GRIK2: variants seen among roughly 807,000 people sequenced by gnomAD.
The protein encoded by GRIK2 is glutamate receptor ionotropic, kainate 2.
Under a neutral mutation model 100.3 loss-of-function variants are expected in GRIK2, and 32 were observed. That is an observed-to-expected ratio of 0.32 (90% CI 0.24 to 0.43). The LOEUF (loss-of-function observed/expected upper bound fraction) is 0.43, where lower values mean the gene tolerates loss of function less well. GRIK2 is among the 20% of genes least tolerant of loss of function. GRIK2 has a pLI of 1.00. For synonymous variants in GRIK2, 417 were observed against 389.4 expected, an observed-to-expected ratio of 1.07 and a Z score of -0.83; for missense variants, 843 against 1,114.9, an observed-to-expected ratio of 0.76 and a Z score of 3.47.
At chr6:102,036,246 C>A (rs1770265152) in intron 15 of GRIK2, among the ~76,000 whole-genome samples, 1 of 150,972 alleles carries the variant, frequency 6.6e-6, no homozygotes, top group South Asian at 2.1e-4. Flanking sequence ...CACACACACA[C>A]ACACACACAC....
At chr6:101,478,506 G>GTTT (rs5878666) in intron 2 of GRIK2, among the ~76,000 whole-genome samples, 22 of 119,550 alleles carry the variant, frequency 1.8e-4, no homozygotes, top group Admixed American at 5.5e-4. Flanking sequence ...TTCTGTTTTG[G>GTTT]TTTTTTTTTT....
intron 6 of GRIK2, among the ~76,000 whole-genome samples, chr6:101,683,902 C>T (rs1332162686): frequency 6.6e-6 from 1 of 152,156 alleles, no homozygotes; most frequent in East Asian, 1.9e-4. Flanking sequence ...TAGCATCTAT[C>T]TTCTCCATTC....
chr6:101,491,981 A>T (rs1255079897), intron 2 of GRIK2, among the ~76,000 whole-genome samples: 2 of 151,762 alleles, frequency 1.3e-5, no homozygotes, highest in Non-Finnish European at 2.9e-5. Context: ...TGTTTCTGTT[A>T]TATACTTCAT....
At chr6:101,658,399 C>T (rs1769358687) in intron 4 of GRIK2, among the ~76,000 whole-genome samples, 1 of 152,188 alleles carries the variant, frequency 6.6e-6, no homozygotes. Context: ...TTTTTTATGG[C>T]TGCATAGTAT....
intron 7 of GRIK2, among the ~76,000 whole-genome samples, chr6:101,717,566 C>T (rs756746908): frequency 2.0e-5 from 3 of 151,706 alleles, no homozygotes; most frequent in Non-Finnish European, 4.4e-5. Context: ...TAAGATATGG[C>T]TTTGCCATTA....
chr6:101,767,364 C>T (rs1337951494), intron 7 of GRIK2, among the ~76,000 whole-genome samples: 1 of 151,850 alleles, frequency 6.6e-6, no homozygotes, highest in Non-Finnish European at 1.5e-5. Context: ...ATCCCATTAC[C>T]ATTATAAACA....
At chr6:101,501,135 C>A (rs1024961533) in intron 2 of GRIK2, among the ~76,000 whole-genome samples, 2 of 151,942 alleles carry the variant, frequency 1.3e-5, no homozygotes, top group African/African-American at 4.8e-5. Context: ...CCATCTACAA[C>A]AAAATAAGTA....
chr6:101,486,371 G>A (rs1772826917), intron 2 of GRIK2, among the ~76,000 whole-genome samples: 1 of 127,776 alleles, frequency 7.8e-6, no homozygotes, highest in African/African-American at 2.9e-5. Flanking sequence ...CAGCAGGTAA[G>A]GTTGCATGAG....
chr6:101,718,913 G>T (rs980910234), intron 7 of GRIK2, among the ~76,000 whole-genome samples: 1 of 151,846 alleles, frequency 6.6e-6, no homozygotes, highest in Admixed American at 6.6e-5. Context: ...ACACAATTGT[G>T]TCTGTAAAGA....
intron 2 of GRIK2, among the ~76,000 whole-genome samples, chr6:101,446,466 A>T (rs1770384990): frequency 6.6e-6 from 1 of 151,970 alleles, no homozygotes; most frequent in African/African-American, 2.4e-5. Context: ...AGTGTCATTG[A>T]TTCCTCTCCT....
chr6:101,660,243 T>C (rs1401982761), intron 4 of GRIK2, among the ~76,000 whole-genome samples: 2 of 152,204 alleles, frequency 1.3e-5, no homozygotes, highest in Non-Finnish European at 2.9e-5. Context: ...TCTGATATCA[T>C]TTCTTCCACT....
chr6:101,410,896 A>G (rs76891037), intron 2 of GRIK2, among the ~76,000 whole-genome samples: 2,167 of 152,182 alleles, frequency 0.014, 50 homozygotes, highest in African/African-American at 0.05. Flanking sequence ...GAGGACAATC[A>G]GTCTCAAGAT....
At chr6:101,514,598 A>T (rs1439862420) in intron 2 of GRIK2, among the ~76,000 whole-genome samples, 1 of 152,178 alleles carries the variant, frequency 6.6e-6, no homozygotes, top group Admixed American at 6.6e-5. Context: ...TGAATATCCC[A>T]ATCTAAACTA....
chr6:102,027,302 A>G (rs574190998), intron 14 of GRIK2, among the ~76,000 whole-genome samples: 17 of 151,380 alleles, frequency 1.1e-4, no homozygotes, highest in South Asian at 4.1e-4. Context: ...ATTTTACTGT[A>G]TTAATCTATA....
intron 14 of GRIK2, among the ~76,000 whole-genome samples, chr6:101,994,317 A>C (rs569747624): frequency 4.9e-4 from 75 of 151,684 alleles, no homozygotes; most frequent in Admixed American, 2.2e-3. Context: ...TTTTTAGTAC[A>C]TAATGTTATA....
chr6:102,044,302 A>C (rs1030112094), intron 15 of GRIK2, among the ~76,000 whole-genome samples: 1 of 152,040 alleles, frequency 6.6e-6, no homozygotes. Context: ...CTCTCGAGCT[A>C]TCAGATAAAA....
In GRIK2 at chr6:101,458,387, C is replaced by T. The variant is rs149905191; in HGVS notation, c.115+58995C>T. 2.4e-3 allele frequency among the ~76,000 whole-genome samples: 364 copies of T among 152,160 alleles called. 1 individual carries two copies. The highest frequency in any genetic ancestry group is 8.4e-3 in the African/African-American group (349 of 41,516). On this transcript the variant is annotated intron_variant, in intron 2 of 16. Coordinates refer to ENST00000369134, the MANE Select transcript of GRIK2 (RefSeq NM_021956.5). ...ATACACATTCTTTTAATTTAGTGCT[C>T]CAAATATTTTTCAAATTTTGGTATA...
At chr6:101,438,571 A>G (rs563927151) in intron 2 of GRIK2, among the ~76,000 whole-genome samples, 5 of 152,256 alleles carry the variant, frequency 3.3e-5, no homozygotes, top group African/African-American at 1.2e-4. Flanking sequence ...AAAATAATGT[A>G]GCCACATTGT....
intron 14 of GRIK2, among the ~76,000 whole-genome samples, chr6:101,992,778 A>G (rs1794444442): frequency 6.6e-6 from 1 of 151,610 alleles, no homozygotes; most frequent in Non-Finnish European, 1.5e-5. Flanking sequence ...CAACAGGAAA[A>G]GGGAAGGAAT....
Sources: gnomAD v4.1 joint callset for allele counts (sites outside exome capture counted in the v4.1 genomes callset) on GRCh38, gnomAD v4.1.1 for gene constraint, MANE v1.5 for transcripts, NCBI Gene and HGNC (gene_info 2026-07-23, HGNC 2026-07-21) for gene names.